The following DNAJC5 variants were observed in gnomAD, a reference collection of about 807,000 sequenced individuals.
The protein encoded by DNAJC5 is DnaJ heat shock protein family (Hsp40) member C5.
A neutral mutation model predicts 23.2 loss-of-function variants in DNAJC5; 1 was observed. The observed-to-expected ratio is 0.04, with a 90% CI of 0.02 to 0.20. The LOEUF (loss-of-function observed/expected upper bound fraction) is 0.20. Ranked by LOEUF, DNAJC5 falls within the 10% of genes least tolerant of loss-of-function variation. The pLI is 1.00. For synonymous variants in DNAJC5, 136 were observed against 120.0 expected (o/e 1.13, Z -0.87); for missense variants, 180 against 267.0 (o/e 0.67, Z 2.27).
In DNAJC5 at chr20:63,909,346, A is replaced by T. The variant is rs554817917; in HGVS notation, c.-12+14023A>T. ...ACCCCGTCTCTACTAAAAATAAAAA[A>T]AAAAAAATTAGCCGGGCGTGGTGGC... On this transcript the variant is annotated intron_variant, in intron 1 of 4. Coordinates refer to ENST00000360864, the MANE Select transcript of DNAJC5 (RefSeq NM_025219.3). 4.1e-3 allele frequency among the ~76,000 whole-genome samples: 627 copies of T among 151,510 alleles called. 5 individuals are homozygous for T. The highest frequency in any genetic ancestry group is 0.014 in the African/African-American group (572 of 41,252).
chr20:63,930,989 G>A lies in DNAJC5; in HGVS notation c.460G>A (p.Asp154Asn). 6.2e-7 allele frequency: 1 copy of A among 1,614,122 alleles called. No homozygotes were observed. The highest frequency in any genetic ancestry group is 8.5e-7 in the Non-Finnish European group (1 of 1,180,052). Residue 154 changes from aspartate (D) to asparagine (N), a missense_variant, in exon 4 of 5, where the codon GAT becomes AAT. Transcript: ENST00000360864. ...EETEFYVSPE[D>N]LEAQLQSDER... is the part of the protein sequence containing the mutation. ...GACGGAGTTCTACGTGTCCCCCGAG[G>A]ATCTGGAGGCACAGCTGCAGTCTGA... is the stretch of plus-strand genomic sequence containing the variant.
intron 3 of DNAJC5, 126 bp from the exon 4 acceptor site, chr20:63,930,725 T>C (rs966780298): frequency 1.4e-6 from 2 of 1,448,770 alleles, no homozygotes; most frequent in Non-Finnish European, 1.9e-6. Flanking sequence ...TTCTGCTTCC[T>C]GTCTGGAAGG....
chr20:63,925,798 A>AG lies in DNAJC5; in HGVS notation c.-11-2537_-11-2536insG, dbSNP rs544679126. On this transcript the variant is annotated intron_variant, in intron 1 of 4. Coordinates refer to ENST00000360864, the MANE Select transcript of DNAJC5 (RefSeq NM_025219.3). ...CATTTCCTAAATATTTGGTTAAAAA[A>AG]AAAATCTGGGCCTGGAATTTTATCT... Among the ~76,000 whole-genome samples, 520 of 151,986 alleles carry AG rather than the reference A, an allele frequency of 3.4e-3. 1 individual carries two copies. The highest frequency in any genetic ancestry group is 0.012 in the African/African-American group (503 of 41,464).
intron 1 of DNAJC5, among the ~76,000 whole-genome samples, chr20:63,909,699 A>G (rs1444683251): frequency 6.6e-6 from 1 of 152,204 alleles, no homozygotes; most frequent in Non-Finnish European, 1.5e-5. Context: ...AAAAAGAAAG[A>G]AAAAAGTCTT....
In DNAJC5 at chr20:63,918,208, G is replaced by T. The variant is rs541155552; in HGVS notation, c.-11-10127G>T. 4.2e-4 allele frequency among the ~76,000 whole-genome samples: 64 copies of T among 152,228 alleles called. No individual in the cohort carries two copies. In the South Asian group the frequency reaches 6.6e-3, roughly 16 times the overall value. The stretch of plus-strand genomic sequence containing the variant: ...AATCTGCAGTGTAGACGAATCTTAG[G>T]AACGTAGGCGTTTCAGAAGCAGATC... On this transcript the variant is annotated intron_variant, in intron 1 of 4. Coordinates refer to ENST00000360864, the MANE Select transcript of DNAJC5 (RefSeq NM_025219.3).
rs2053662383 is a variant in DNAJC5 at position 63,930,785 on chromosome 20, G to T, written c.322-66G>T. 6 of 1,607,694 alleles carry T rather than the reference G, an allele frequency of 3.7e-6. No homozygotes were observed. The South Asian group carries it at 6.6e-5, about 18-fold the overall frequency. ...CCCTGCCTTCTGCTGAGGGCATTTG[G>T]GAGTCCTGCGCCTCCCTCTCCAGGG... On this transcript the variant is annotated intron_variant, in intron 3 of 4. Transcript: ENST00000360864.
chr20:63,902,094 G>A (rs1198037513), intron 1 of DNAJC5, among the ~76,000 whole-genome samples: 17 of 151,194 alleles, frequency 1.1e-4, no homozygotes, highest in Non-Finnish European at 2.4e-4. Flanking sequence ...TTGTGCTGTC[G>A]CCCAGGCTGG....
At chr20:63,917,930 A>G (rs1282256244) in intron 1 of DNAJC5, among the ~76,000 whole-genome samples, 1 of 152,126 alleles carries the variant, frequency 6.6e-6, no homozygotes, top group African/African-American at 2.4e-5. Context: ...CTCACGCCTC[A>G]GTTGCTTGTT....
At position 63,900,665 on chromosome 20, in the gene DNAJC5, T is replaced by C. The variant is rs146669485; in HGVS notation, c.-12+5342T>C. On this transcript the variant is annotated intron_variant, in intron 1 of 4. Transcript: ENST00000360864. ...ACCTGCATATGCCACAATTTAACTTTGTTGCAACATCATTCTACATTTTGC... is the reference window on the plus strand; with the variant it reads ...ACCTGCATATGCCACAATTTAACTTCGTTGCAACATCATTCTACATTTTGC... Among the ~76,000 whole-genome samples, 675 of 152,140 alleles carry C rather than the reference T, an allele frequency of 4.4e-3. 3 individuals carry two copies. Among genetic ancestry groups the C allele is most frequent in the African/African-American group, 0.016 (644 of 41,486 alleles).
intron 1 of DNAJC5, among the ~76,000 whole-genome samples, chr20:63,905,405 C>T (rs1306888886): frequency 6.6e-6 from 1 of 151,874 alleles, no homozygotes; most frequent in Non-Finnish European, 1.5e-5. Context: ...TGTGAGCCAC[C>T]ACACCCGGGG....
At chr20:63,898,192 C>T (rs1281950923) in intron 1 of DNAJC5, among the ~76,000 whole-genome samples, 1 of 152,166 alleles carries the variant, frequency 6.6e-6, no homozygotes, top group Non-Finnish European at 1.5e-5. Flanking sequence ...CCTTAGAGCC[C>T]AGATGTGAGG....
At chr20:63,906,796 A>C (rs571323614) in intron 1 of DNAJC5, among the ~76,000 whole-genome samples, 18 of 150,798 alleles carry the variant, frequency 1.2e-4, no homozygotes, top group Non-Finnish European at 2.5e-4. Flanking sequence ...AAAAAAAATT[A>C]ATTAATTAAT....
chr20:63,908,253 A>T (rs1030115763), intron 1 of DNAJC5, among the ~76,000 whole-genome samples: 1 of 152,224 alleles, frequency 6.6e-6, no homozygotes, highest in African/African-American at 2.4e-5. Flanking sequence ...CCATCACCCC[A>T]GGGTGAATTT....
At chr20:63,924,211 CA>C (rs1043173664) in intron 1 of DNAJC5, among the ~76,000 whole-genome samples, 2 of 150,662 alleles carry the variant, frequency 1.3e-5, no homozygotes, top group Admixed American at 6.6e-5. Flanking sequence ...TCAGTTTCTG[CA>C]AAAAAAAATC....
At chr20:63,897,310 C>T (rs868577772) in intron 1 of DNAJC5, among the ~76,000 whole-genome samples, 24 of 152,312 alleles carry the variant, frequency 1.6e-4, no homozygotes, top group African/African-American at 5.5e-4. Context: ...AGGAGAATCA[C>T]TTGAACCCAG....
At chr20:63,922,332 G>A (rs1302730662) in intron 1 of DNAJC5, among the ~76,000 whole-genome samples, 2 of 151,822 alleles carry the variant, frequency 1.3e-5, no homozygotes, top group Non-Finnish European at 1.5e-5. Flanking sequence ...GTGTGGTGGC[G>A]CGCGCCTGTA....
In DNAJC5 at chr20:63,930,891, G is replaced by A. The variant is rs200240375; in HGVS notation, c.362G>A (p.Cys121Tyr). 1 of 1,613,762 alleles carries A rather than the reference G, an allele frequency of 6.2e-7. No homozygotes were observed. Among genetic ancestry groups the A allele is most frequent in the Non-Finnish European group, 8.5e-7 (1 of 1,179,938 alleles). ...TGCGGCCTCCTCACGTGCTGCTACT[G>A]CTGCTGCTGTCTGTGCTGCTGCTTC... is the stretch of plus-strand genomic sequence containing the variant. Reference protein sequence around the residue: ...VFCGLLTCCYCCCCLCCCFNC... With the variant: ...VFCGLLTCCYYCCCLCCCFNC... Residue 121 changes from cysteine to tyrosine, a missense_variant, in exon 4 of 5, where the codon TGC becomes TAC. Around this residue, in one of 3 missense-constraint regions of DNAJC5, gnomAD observed 97 missense variants for 123.4 expected, o/e 0.79. Coordinates refer to ENST00000360864, the MANE Select transcript of DNAJC5 (RefSeq NM_025219.3).
chr20:63,913,547 C>G (rs946788798), intron 1 of DNAJC5, among the ~76,000 whole-genome samples: 2 of 151,716 alleles, frequency 1.3e-5, no homozygotes, highest in African/African-American at 4.8e-5. Context: ...TAGGCGTGCA[C>G]TACCATACCT....
intron 1 of DNAJC5, among the ~76,000 whole-genome samples, chr20:63,921,763 T>C (rs1332242863): frequency 6.6e-6 from 1 of 152,070 alleles, no homozygotes; most frequent in African/African-American, 2.4e-5. Context: ...AACCTTTCTG[T>C]TGACATGGGA....
Sources: allele counts gnomAD v4.1 joint callset (sites outside exome capture counted in the v4.1 genomes callset), GRCh38; gene constraint gnomAD v4.1.1; regional missense constraint gnomAD v4.1.1; transcripts MANE v1.5; gene names NCBI Gene and HGNC (gene_info 2026-07-23, HGNC 2026-07-21).